HSDL1: variants seen among roughly 807,000 people sequenced by gnomAD.
HSDL1 encodes inactive hydroxysteroid dehydrogenase-like protein 1.
A neutral mutation model predicts 31.5 loss-of-function variants in HSDL1; 29 were observed. The ratio of observed to expected loss-of-function variants is 0.92; its 90% confidence interval spans 0.69 to 1.26. The LOEUF (loss-of-function observed/expected upper bound fraction) is 1.26, where lower values mean the gene tolerates loss of function less well. Ranked by LOEUF, HSDL1 falls within the 50% of genes most tolerant of loss-of-function variation. HSDL1 has a pLI of 0.00. For synonymous variants in HSDL1, 222 were observed against 155.2 expected (o/e 1.43, Z -3.20); for missense variants, 503 against 416.6 (o/e 1.21, Z -1.81).
intron 1 of HSDL1, among the ~76,000 whole-genome samples, chr16:84,144,014 T>A (rs947069788): frequency 2.0e-5 from 3 of 151,202 alleles, no homozygotes; most frequent in Non-Finnish European, 2.9e-5. Flanking sequence ...CGAGATTGTC[T>A]GAATCAATCA....
chr16:84,129,698 A>G lies in HSDL1; in HGVS notation c.744T>C (p.Pro248=). ...CTGTCATGCTGGTGGCTACATAGAA[A>G]GGGATTAGACTCTGTACAAAGATTC... The part of the protein sequence containing the change: ...SKGIFVQSLI[P]FYVATSMTAP... Residue 248 remains proline, a synonymous_variant, in exon 5 of 6, where the codon CCT becomes CCC. Transcript: ENST00000219439. 1 of 1,614,222 alleles carries G rather than the reference A, an allele frequency of 6.2e-7. No homozygotes were observed. Among genetic ancestry groups the G allele is most frequent in the Middle Eastern group, 1.6e-4 (1 of 6,062 alleles).
At position 84,130,181 on chromosome 16, in the gene HSDL1, G is replaced by A. The variant is rs201063812; in HGVS notation, c.471C>T (p.Pro157=). The change falls in exon 4 of 6, where the codon CCC becomes CCT. Residue 157 remains proline, a synonymous_variant. Transcript: ENST00000219439. ...ILVNNVGVFY[P]YPQYFTQLSE... The stretch of plus-strand genomic sequence containing the variant: ...ACAGCTGAGTGAAATACTGCGGGTA[G>A]GGATAAAACACACCCACGTTATTTA... 76 of 1,614,204 alleles carry A rather than the reference G, an allele frequency of 4.7e-5. No individual in the cohort carries two copies. In the East Asian group the frequency reaches 9.8e-4, roughly 21 times the overall value.
At chr16:84,142,015 C>A (rs1438528287) in intron 1 of HSDL1, among the ~76,000 whole-genome samples, 1 of 152,210 alleles carries the variant, frequency 6.6e-6, no homozygotes, top group Non-Finnish European at 1.5e-5. Context: ...GCAACCTCCG[C>A]CTTCCGGGCT....
intron 1 of HSDL1, among the ~76,000 whole-genome samples, chr16:84,138,716 G>C (rs1037388232): frequency 1.2e-4 from 18 of 152,196 alleles, no homozygotes; most frequent in Admixed American, 9.8e-4. Context: ...AACCACAACT[G>C]TCCCCAAACT....
chr16:84,130,455 G>T, intron 3 of HSDL1, 24 bp from the exon 4 acceptor site: 3 of 1,579,622 alleles, frequency 1.9e-6, no homozygotes, highest in South Asian at 2.3e-5. Flanking sequence ...CAGGAAAAGT[G>T]AGCATGTGTA....
chr16:84,132,593 C>A (rs1321708700), intron 2 of HSDL1, among the ~76,000 whole-genome samples: 1 of 152,146 alleles, frequency 6.6e-6, no homozygotes, highest in Non-Finnish European at 1.5e-5. Context: ...TACTGTGATT[C>A]AAAGGATTCA....
At chr16:84,126,933 C>A (rs1323685987) in intron 5 of HSDL1, among the ~76,000 whole-genome samples, 9 of 152,154 alleles carry the variant, frequency 5.9e-5, no homozygotes, top group African/African-American at 2.2e-4. Context: ...ATACAGAAAA[C>A]TACTCCAGGA....
In HSDL1 at chr16:84,124,446, C is replaced by G. The variant is rs1267591341; in HGVS notation, c.*184G>C. On this transcript the variant is annotated 3_prime_UTR_variant, in exon 6 of 6. Transcript: ENST00000219439. ...TCAGGCATTATTGATCCTGTGCCAT[C>G]CACACACCCTTAAGGTTTTTCACAG... 3 of 528,736 alleles carry G rather than the reference C, an allele frequency of 5.7e-6. No homozygotes were observed. The highest frequency in any genetic ancestry group is 1.1e-5 in the Non-Finnish European group (3 of 285,712). The allele number at this position is 528,736 out of a possible 1,614,324, so 32.8% of individuals were successfully genotyped here.
chr16:84,136,084 G>A (rs1181559201), intron 1 of HSDL1, among the ~76,000 whole-genome samples: 8 of 152,198 alleles, frequency 5.3e-5, no homozygotes, highest in South Asian at 2.1e-4. Context: ...CACCTGCAGC[G>A]TTCCCTGGAA....
chr16:84,126,664 A>T (rs969244391), intron 5 of HSDL1, among the ~76,000 whole-genome samples: 2 of 152,204 alleles, frequency 1.3e-5, no homozygotes, highest in African/African-American at 4.8e-5. Context: ...CTGATGAATG[A>T]TAATAGAGGT....
intron 5 of HSDL1, among the ~76,000 whole-genome samples, chr16:84,125,914 T>A (rs1462744779): frequency 6.6e-6 from 1 of 152,042 alleles, no homozygotes; most frequent in Non-Finnish European, 1.5e-5. Flanking sequence ...CCATCCTGGC[T>A]AACAGGGTGA....
chr16:84,143,729 G>A (rs1466279390), intron 1 of HSDL1, among the ~76,000 whole-genome samples: 1 of 151,964 alleles, frequency 6.6e-6, no homozygotes, highest in East Asian at 1.9e-4. Flanking sequence ...GGGTACAGTG[G>A]CTCATGTCTG....
At chr16:84,136,033 G>A (rs913632220) in intron 1 of HSDL1, among the ~76,000 whole-genome samples, 4 of 152,188 alleles carry the variant, frequency 2.6e-5, no homozygotes, top group African/African-American at 9.6e-5. Flanking sequence ...GTTTCACCTG[G>A]GCCTCCCACT....
intron 1 of HSDL1, among the ~76,000 whole-genome samples, chr16:84,136,335 T>G (rs886414740): frequency 6.6e-6 from 1 of 152,236 alleles, no homozygotes; most frequent in Non-Finnish European, 1.5e-5. Flanking sequence ...CCACACACAC[T>G]GCATTGCAAC....
intron 5 of HSDL1, among the ~76,000 whole-genome samples, chr16:84,125,356 C>A (rs530445779): frequency 3.2e-4 from 48 of 150,528 alleles, no homozygotes; most frequent in South Asian, 4.3e-4. Context: ...TCACAAACAC[C>A]CACCAATCAA....
intron 1 of HSDL1, among the ~76,000 whole-genome samples, chr16:84,140,004 C>G (rs1284102465): frequency 6.6e-6 from 1 of 152,198 alleles, no homozygotes; most frequent in Non-Finnish European, 1.5e-5. Context: ...CTCCTCCGTT[C>G]AATCACTTCC....
chr16:84,131,197 C>T lies in HSDL1; in HGVS notation c.125G>A (p.Cys42Tyr), dbSNP rs761208579. The T allele has an allele frequency of 8.1e-6, 13 of 1,614,078 alleles. No homozygotes were observed. In the African/African-American group the frequency reaches 1.6e-4, roughly 20 times the overall value. ...YTARKSITVI[C>Y]DFYSLIRLHF... is the part of the protein sequence containing the mutation. ...CAGCCTGATCAGGCTGTAAAAGTCA[C>T]AGATGACAGTGATGCTTTTTCTGGC... Residue 42 changes from cysteine (C) to tyrosine (Y), a missense_variant, in exon 3 of 6, where the codon TGT becomes TAT. Cys to Tyr is a radical substitution (Grantham distance 194, BLOSUM62 -2). Transcript: ENST00000219439.
intron 1 of HSDL1, among the ~76,000 whole-genome samples, chr16:84,141,883 C>G (rs1436581376): frequency 6.6e-6 from 1 of 152,038 alleles, no homozygotes; most frequent in African/African-American, 2.4e-5. Context: ...GATACTAGCT[C>G]TCTGTATGTT....
rs1011849908 is a variant in HSDL1, at chr16:84,122,949, C to T, written c.*1681G>A. ...TTTATCAATCTAAGACATTACTGGA[C>T]CACGTAACCTTACATATAACTACCT... On this transcript the variant is annotated 3_prime_UTR_variant, in exon 6 of 6. Coordinates refer to ENST00000219439, the MANE Select transcript of HSDL1 (RefSeq NM_031463.5). The T allele has an allele frequency of 2.0e-5, 3 of 152,226 alleles. No individual in the cohort carries two copies. Among genetic ancestry groups the T allele is most frequent in the Middle Eastern group, 3.2e-3 (1 of 316 alleles). 9.4% of individuals were successfully genotyped at this position (152,226 alleles called of 1,614,324 possible).
Sources: allele counts gnomAD v4.1 joint callset (sites outside exome capture counted in the v4.1 genomes callset), GRCh38; gene constraint gnomAD v4.1.1; transcripts MANE v1.5; gene names NCBI Gene and HGNC (gene_info 2026-07-23, HGNC 2026-07-21).